ZNF286A: variants seen among roughly 807,000 people sequenced by gnomAD.
The protein encoded by ZNF286A is zinc finger protein 286A.
In ZNF286A, 34 loss-of-function variants were observed where a neutral mutation model predicts 49.3. The ratio of observed to expected loss-of-function variants is 0.69; its 90% CI spans 0.52 to 0.92. The LOEUF is 0.92. Among genes scored for constraint, ZNF286A ranks in the 40% least tolerant of loss-of-function variants. ZNF286A has a pLI of 0.00. For synonymous variants in ZNF286A, 155 were observed against 200.4 expected (o/e 0.77, Z 1.91); for missense variants, 462 against 600.2 (o/e 0.77, Z 2.41).
intron 5 of ZNF286A, among the ~76,000 whole-genome samples, chr17:15,715,271 T>C (rs1220290268): frequency 6.6e-6 from 1 of 151,894 alleles, no homozygotes. Flanking sequence ...CTTTTTTTTC[T>C]TTATAAAAAA....
At position 15,720,768 on chromosome 17, in the gene ZNF286A, T is replaced by G. The variant is rs915855071; in HGVS notation, c.*3478T>G. Reference sequence around the variant, plus strand: ...TGGCTCACTTGTCAATAAAGATGTTTGTATATGTATTGTCAGAAACTTTTG... The same window carrying G: ...TGGCTCACTTGTCAATAAAGATGTTGGTATATGTATTGTCAGAAACTTTTG... On this transcript the variant is annotated 3_prime_UTR_variant, in exon 6 of 6. Transcript: ENST00000583566. 6.6e-6 allele frequency: 1 copy of G among 152,194 alleles called. No homozygotes were observed. Among genetic ancestry groups the G allele is most frequent in the African/African-American group, 2.4e-5 (1 of 41,438 alleles). The allele number at this position is 152,194 out of a possible 1,614,324, so 9.4% of individuals were successfully genotyped here.
rs1340217071 is a variant in ZNF286A, at chr17:15,719,994, G to A, written c.*2704G>A. ...ATTGAAACTTGCCAAATTCTTGAGT[G>A]AAGAGGAATTCATTTGAGAGCCAAA... On this transcript the variant is annotated 3_prime_UTR_variant, in exon 6 of 6. Transcript: ENST00000583566. 1 of 152,236 alleles carries A rather than the reference G, an allele frequency of 6.6e-6. No homozygotes were observed. Among genetic ancestry groups the A allele is most frequent in the Admixed American group, 6.5e-5 (1 of 15,286 alleles). The allele number at this position is 152,236 out of a possible 1,614,324, so 9.4% of individuals were successfully genotyped here.
chr17:15,710,353 T>C (rs1990560457), intron 5 of ZNF286A, among the ~76,000 whole-genome samples: 1 of 152,206 alleles, frequency 6.6e-6, no homozygotes, highest in Non-Finnish European at 1.5e-5. Flanking sequence ...AGAAAGATTA[T>C]TTTATTCCAA....
At chr17:15,704,924 TC>T (rs372666305) in intron 3 of ZNF286A, 11 of 1,562,544 alleles carry the variant, frequency 7.0e-6, no homozygotes, top group Admixed American at 1.9e-5. Flanking sequence ...CGGGGGCGGG[TC>T]CCCCCGGCCC....
intron 5 of ZNF286A, among the ~76,000 whole-genome samples, chr17:15,708,848 A>G (rs772055104): frequency 1.4e-4 from 21 of 152,224 alleles, no homozygotes; most frequent in Non-Finnish European, 2.6e-4. Flanking sequence ...TCTTCTGAAG[A>G]TGAGTATTTG....
chr17:15,719,559 A>G lies in ZNF286A; in HGVS notation c.*2269A>G, dbSNP rs918187614. Reference sequence around the variant, plus strand: ...AAAGCACCTTTCACTGTGTCTTCACATGGTAGAAGGGGAGAGCTCTGGTAT... The same window carrying G: ...AAAGCACCTTTCACTGTGTCTTCACGTGGTAGAAGGGGAGAGCTCTGGTAT... On this transcript the variant is annotated 3_prime_UTR_variant, in exon 6 of 6. Transcript: ENST00000583566. 6.6e-6 allele frequency: 1 copy of G among 151,956 alleles called. No individual in the cohort carries two copies. The highest frequency in any genetic ancestry group is 1.5e-5 in the Non-Finnish European group (1 of 68,028). 9.4% of individuals were successfully genotyped at this position (151,956 alleles called of 1,614,324 possible). A position where few individuals can be genotyped will look rare whatever the true frequency, so the allele number is the denominator to read the frequency against.
At chr17:15,712,694 C>T (rs574619378) in intron 5 of ZNF286A, among the ~76,000 whole-genome samples, 1 of 152,222 alleles carries the variant, frequency 6.6e-6, no homozygotes, top group South Asian at 2.1e-4. Flanking sequence ...TCCTGGATTA[C>T]TGTGATAATC....
chr17:15,701,225 C>T lies in ZNF286A; in HGVS notation c.111C>T (p.Leu37=). Reference sequence around the variant, plus strand: ...AGGGAGAAGTGGCTGCTCTGCGCCTCACGGCCAGATCCCAGGTGAGTGAGT... The same window carrying T: ...AGGGAGAAGTGGCTGCTCTGCGCCTTACGGCCAGATCCCAGGTGAGTGAGT... ...TEEGEVAALR[L]TARSQETVTF... is the part of the protein sequence containing the mutation. Residue 37 remains leucine (L), a synonymous_variant, in exon 3 of 6, where the codon CTC becomes CTT. Transcript: ENST00000583566. 1 of 1,614,074 alleles carries T rather than the reference C, an allele frequency of 6.2e-7. No individual in the cohort carries two copies. Among genetic ancestry groups the T allele is most frequent in the East Asian group, 2.2e-5 (1 of 44,870 alleles).
chr17:15,716,057 A>T lies in ZNF286A; in HGVS notation c.335-2A>T. On this transcript the variant is annotated splice_acceptor_variant, in intron 5 of 5. Transcript: ENST00000583566. LOFTEE classifies it high-confidence loss of function. ...GAAATTTGCATTTCCAATGTCTTTC[A>T]GACATGGAGACTAGACCACAGAGCA... 6.2e-7 allele frequency: 1 copy of T among 1,613,904 alleles called. No individual in the cohort carries two copies. The highest frequency in any genetic ancestry group is 8.5e-7 in the Non-Finnish European group (1 of 1,179,820).
chr17:15,704,532 A>G (rs1236814535), intron 3 of ZNF286A: 2 of 1,613,916 alleles, frequency 1.2e-6, no homozygotes, highest in Non-Finnish European at 8.5e-7. Flanking sequence ...ACTCGGGGTT[A>G]GGGTGGATCA....
chr17:15,705,043 T>TC (rs1325826914), intron 3 of ZNF286A: 1 of 471,348 alleles, frequency 2.1e-6, no homozygotes, highest in Non-Finnish European at 3.5e-6. Flanking sequence ...GCCTCTGACG[T>TC]CCGCCGCGCA....
intron 5 of ZNF286A, among the ~76,000 whole-genome samples, chr17:15,713,565 T>C (rs938020026): frequency 5.9e-5 from 9 of 151,930 alleles, no homozygotes; most frequent in African/African-American, 2.2e-4. Flanking sequence ...ACTGAACAAG[T>C]GATACTTTCT....
chr17:15,715,889 G>C (rs1967020334), intron 5 of ZNF286A, 170 bp from the exon 6 acceptor site: 1 of 1,476,856 alleles, frequency 6.8e-7, no homozygotes, highest in Non-Finnish European at 9.0e-7. Context: ...TGCATAGTCT[G>C]AGCATTTGTT....
chr17:15,708,063 GT>G (rs1345061605), intron 4 of ZNF286A, 91 bp from the exon 5 acceptor site: 1 of 759,710 alleles, frequency 1.3e-6, no homozygotes, highest in East Asian at 3.2e-5. Context: ...TAAGGAATAT[GT>G]AACAATTCAA....
At chr17:15,704,833 A>G in intron 3 of ZNF286A, 1 of 1,613,400 alleles carries the variant, frequency 6.2e-7, no homozygotes, top group South Asian at 1.1e-5. Flanking sequence ...GTCTGCGGTC[A>G]GTGTCGTCAC....
chr17:15,709,107 A>G (rs1990456594), intron 5 of ZNF286A, among the ~76,000 whole-genome samples: 1 of 151,842 alleles, frequency 6.6e-6, no homozygotes, highest in Non-Finnish European at 1.5e-5. Flanking sequence ...AACACTTAAT[A>G]TTGCTTGTTT....
intron 3 of ZNF286A, among the ~76,000 whole-genome samples, chr17:15,705,976 A>G (rs1990199473): frequency 6.6e-6 from 1 of 152,074 alleles, no homozygotes; most frequent in Admixed American, 6.5e-5. Flanking sequence ...TCGTCTTGTG[A>G]TTGGCTAGAT....
rs1374990417 is a variant in ZNF286A at position 15,718,815 on chromosome 17, A to G, written c.*1525A>G. 1 of 146,324 alleles carries G rather than the reference A, an allele frequency of 6.8e-6. No homozygotes were observed. Among genetic ancestry groups the G allele is most frequent in the East Asian group, 2.0e-4 (1 of 5,004 alleles). The allele number at this position is 146,324 out of a possible 1,614,324, so 9.1% of individuals were successfully genotyped here. On this transcript the variant is annotated 3_prime_UTR_variant, in exon 6 of 6. Coordinates refer to ENST00000583566, the MANE Select transcript of ZNF286A (RefSeq NM_001130842.2). ...TAAAGAAAAAAGGTTTAATTGGCTC[A>G]TGGTTCCATGGGCTGTACAGGAAGT... is the stretch of plus-strand genomic sequence containing the variant.
chr17:15,709,818 G>A, intron 5 of ZNF286A: 1 of 1,547,156 alleles, frequency 6.5e-7, no homozygotes, highest in Non-Finnish European at 8.7e-7. Flanking sequence ...TCTGTTAGCA[G>A]TTGCAGTGAT....
Sources: gnomAD v4.1 joint callset for allele counts (sites outside exome capture counted in the v4.1 genomes callset) on GRCh38, gnomAD v4.1.1 for gene constraint, MANE v1.5 for transcripts, NCBI Gene and HGNC (gene_info 2026-07-23, HGNC 2026-07-21) for gene names.